MARCHF4: variants seen among roughly 807,000 people sequenced by gnomAD.
MARCHF4 encodes the protein membrane associated ring-CH-type finger 4, also known as E3 ubiquitin-protein ligase MARCHF4.
A neutral mutation model predicts 43.9 loss-of-function variants in MARCHF4; 14 were observed. That is an observed-to-expected ratio of 0.32 (90% CI 0.21 to 0.50). The LOEUF is 0.50. Ranked by LOEUF, MARCHF4 falls within the 20% of genes least tolerant of loss-of-function variation. The pLI, the probability that MARCHF4 is intolerant of heterozygous loss-of-function variation, is 0.98. For missense variants in MARCHF4, 468 were observed against 536.7 expected, an observed-to-expected ratio of 0.87 and a Z score of 1.27; for synonymous variants, 226 against 213.3, an observed-to-expected ratio of 1.06 and a Z score of -0.52.
At chr2:216,277,199 G>C (rs1691039384) in intron 3 of MARCHF4, among the ~76,000 whole-genome samples, 1 of 152,136 alleles carries the variant, frequency 6.6e-6, no homozygotes, top group Non-Finnish European at 1.5e-5. Flanking sequence ...GAGAAACTCA[G>C]AGCATTGAAA....
intron 1 of MARCHF4, among the ~76,000 whole-genome samples, chr2:216,296,079 G>A (rs1305500826): frequency 6.6e-6 from 1 of 152,232 alleles, no homozygotes; most frequent in Non-Finnish European, 1.5e-5. Flanking sequence ...CTGGGAGGTG[G>A]AGGTTGCAGT....
At chr2:216,281,616 G>T (rs997122840) in intron 2 of MARCHF4, among the ~76,000 whole-genome samples, 13 of 152,342 alleles carry the variant, frequency 8.5e-5, no homozygotes, top group Admixed American at 7.2e-4. Context: ...GAGGAGCACA[G>T]GACATACAAT....
At chr2:216,305,574 G>A (rs1450404399) in intron 1 of MARCHF4, among the ~76,000 whole-genome samples, 2 of 152,212 alleles carry the variant, frequency 1.3e-5, no homozygotes, top group Non-Finnish European at 2.9e-5. Flanking sequence ...CCAGCCTGGG[G>A]TGCTAAGGAG....
chr2:216,371,679 C>G lies in MARCHF4; in HGVS notation c.-1419G>C, dbSNP rs529045117. 4.6e-5 allele frequency: 7 copies of G among 152,388 alleles called. No individual in the cohort carries two copies. The highest frequency in any genetic ancestry group is 1.4e-4 in the African/African-American group (6 of 41,544). The allele number at this position is 152,388 out of a possible 1,614,324, so 9.4% of individuals were successfully genotyped here. ...GGCAGCGCTGCCATGCAACCAGAGG[C>G]GAGGCCGGCGTGGGGGTGGGGGCGG... On this transcript the variant is annotated 5_prime_UTR_variant, in exon 1 of 4. Coordinates refer to ENST00000273067, the MANE Select transcript of MARCHF4 (RefSeq NM_020814.3).
chr2:216,320,650 TCTTTCTTTCTTTCTTTCTTTCTTTC>T lies in MARCHF4; in HGVS notation c.517-36946_517-36922del, dbSNP rs1409149996. On this transcript the variant is annotated intron_variant, in intron 1 of 3. Transcript: ENST00000273067. ...TTCTTTCTTTCTTTCTTTCTTTCTT[TCTTTCTTTCTTTCTTTCTTTCTTTC>T]TTTTTTTTTTTTTGAGATGGAGTCC... 8.8e-4 allele frequency among the ~76,000 whole-genome samples: 107 copies of T among 121,698 alleles called. 1 individual carries two copies. Among genetic ancestry groups the T allele is most frequent in the African/African-American group, 3.8e-3 (100 of 26,418 alleles). The allele number at this position is 121,698 out of a possible 152,430, so 79.8% of individuals were successfully genotyped here.
intron 1 of MARCHF4, among the ~76,000 whole-genome samples, chr2:216,327,223 T>G (rs1005361216): frequency 1.3e-5 from 2 of 152,096 alleles, no homozygotes; most frequent in Non-Finnish European, 2.9e-5. Context: ...CAATACATTT[T>G]GACAAATCCA....
chr2:216,356,118 T>C (rs1692498054), intron 1 of MARCHF4, among the ~76,000 whole-genome samples: 1 of 152,258 alleles, frequency 6.6e-6, no homozygotes, highest in African/African-American at 2.4e-5. Flanking sequence ...ACAACCCACA[T>C]TCCTTCAGTG....
intron 3 of MARCHF4, among the ~76,000 whole-genome samples, chr2:216,260,050 G>A (rs1026118151): frequency 7.9e-5 from 12 of 152,208 alleles, no homozygotes; most frequent in Admixed American, 6.5e-4. Flanking sequence ...TGAATTGTGT[G>A]CTTTTAAAGC....
At chr2:216,364,953 T>C (rs1423621428) in intron 1 of MARCHF4, among the ~76,000 whole-genome samples, 4 of 152,252 alleles carry the variant, frequency 2.6e-5, no homozygotes, top group African/African-American at 9.6e-5. Context: ...TTTACTACTT[T>C]TAAATATTTT....
chr2:216,294,890 G>A (rs1052181482), intron 1 of MARCHF4, among the ~76,000 whole-genome samples: 1 of 152,246 alleles, frequency 6.6e-6, no homozygotes, highest in African/African-American at 2.4e-5. Flanking sequence ...AGCATTGACT[G>A]CTGGGTTCAA....
chr2:216,302,037 C>CA (rs1691499656), intron 1 of MARCHF4, among the ~76,000 whole-genome samples: 2 of 151,920 alleles, frequency 1.3e-5, no homozygotes, highest in South Asian at 2.1e-4. Context: ...AGCAGAACAA[C>CA]AAAAAAACGC....
chr2:216,342,792 T>A (rs1692256636), intron 1 of MARCHF4, among the ~76,000 whole-genome samples: 1 of 152,136 alleles, frequency 6.6e-6, no homozygotes. Context: ...GGCCGCACGG[T>A]ACACCCTCCC....
At chr2:216,313,200 CT>C (rs1163018919) in intron 1 of MARCHF4, among the ~76,000 whole-genome samples, 1 of 152,032 alleles carries the variant, frequency 6.6e-6, no homozygotes, top group Non-Finnish European at 1.5e-5. Context: ...AGGTATGTGG[CT>C]TTTTTTCTGG....
At chr2:216,332,418 GAAAA>G (rs1321816760) in intron 1 of MARCHF4, among the ~76,000 whole-genome samples, 2 of 146,862 alleles carry the variant, frequency 1.4e-5, no homozygotes, top group East Asian at 4.0e-4. Context: ...AGAAAGAAAA[GAAAA>G]AAGAAAAAAA....
At chr2:216,336,066 T>TAAAAAAAA (rs34216672) in intron 1 of MARCHF4, among the ~76,000 whole-genome samples, 1 of 60,622 alleles carries the variant, frequency 1.6e-5, no homozygotes, top group East Asian at 5.4e-4. Context: ...AGACTCTGTC[T>TAAAAAAAA]AAAAAAAAAA....
intron 1 of MARCHF4, among the ~76,000 whole-genome samples, chr2:216,329,189 G>T (rs1692045554): frequency 6.6e-6 from 1 of 152,112 alleles, no homozygotes; most frequent in Non-Finnish European, 1.5e-5. Context: ...GACCATCCCG[G>T]CTAACATGGT....
intron 1 of MARCHF4, among the ~76,000 whole-genome samples, chr2:216,300,801 G>C (rs1691481893): frequency 6.6e-6 from 1 of 152,250 alleles, no homozygotes; most frequent in East Asian, 1.9e-4. Flanking sequence ...GGAATTTGAA[G>C]ACTAAAGGAA....
At chr2:216,352,964 A>C (rs1692423941) in intron 1 of MARCHF4, among the ~76,000 whole-genome samples, 1 of 152,218 alleles carries the variant, frequency 6.6e-6, no homozygotes, top group African/African-American at 2.4e-5. Flanking sequence ...TATTTGCAGA[A>C]TGGATGAACT....
At chr2:216,354,928 T>G (rs999754690) in intron 1 of MARCHF4, among the ~76,000 whole-genome samples, 48 of 130,420 alleles carry the variant, frequency 3.7e-4, no homozygotes, top group African/African-American at 1.3e-3. Context: ...TCTTTCTTTC[T>G]TTCTTTCTTT....
Sources: gnomAD v4.1 joint callset for allele counts (sites outside exome capture counted in the v4.1 genomes callset) on GRCh38, gnomAD v4.1.1 for gene constraint, MANE v1.5 for transcripts, NCBI Gene and HGNC (gene_info 2026-07-23, HGNC 2026-07-21) for gene names.